The following CRTC3 variants were observed in gnomAD, a reference collection of about 807,000 sequenced individuals.
CRTC3 encodes the protein CREB regulated transcription coactivator 3.
Under a neutral mutation model 74.5 loss-of-function variants are expected in CRTC3, and 26 were observed. The observed-to-expected ratio is 0.35, with a 90% CI of 0.26 to 0.48. The LOEUF (loss-of-function observed/expected upper bound fraction) is 0.48, where lower values mean the gene tolerates loss of function less well. CRTC3 is among the 20% of genes least tolerant of loss of function. CRTC3 has a pLI of 0.99. For missense variants in CRTC3, 760 were observed against 787.3 expected (o/e 0.97, Z 0.41); for synonymous variants, 377 against 325.8 (o/e 1.16, Z -1.69).
intron 10 of CRTC3, among the ~76,000 whole-genome samples, chr15:90,628,501 G>A (rs531483358): frequency 6.6e-6 from 1 of 152,144 alleles, no homozygotes; most frequent in Admixed American, 6.5e-5. Context: ...GATCCAGCAG[G>A]GCATAGGACA....
At chr15:90,615,756 T>A (rs1024423229) in intron 7 of CRTC3, among the ~76,000 whole-genome samples, 4 of 152,244 alleles carry the variant, frequency 2.6e-5, no homozygotes, top group Non-Finnish European at 5.9e-5. Flanking sequence ...TTGTGAGAAG[T>A]AGCCTTGAGC....
chr15:90,625,341 TATG>T (rs1048338339), intron 9 of CRTC3, among the ~76,000 whole-genome samples: 7 of 152,228 alleles, frequency 4.6e-5, no homozygotes, highest in Admixed American at 3.9e-4. Context: ...CTTTAAAGTT[TATG>T]AAGACTGTAA....
Position 90,529,962 on chromosome 15 carries a change from G to C in CRTC3, c.-110G>C, listed in dbSNP as rs962651417. The C allele has an allele frequency of 3.4e-6, 3 of 887,826 alleles. No individual in the cohort carries two copies. The highest frequency in any genetic ancestry group is 4.2e-6 in the Non-Finnish European group (3 of 714,612). The allele number at this position is 887,826 out of a possible 1,614,324, so 55.0% of individuals were successfully genotyped here. ...GGCGGCTCCTCTGCCGGGTCGCGCC[G>C]GACGACTGGCTTCGGGCGGCGGCCC... is the stretch of plus-strand genomic sequence containing the variant. On this transcript the variant is annotated 5_prime_UTR_variant, in exon 1 of 15. Transcript: ENST00000268184.
chr15:90,641,493 C>T (rs547448053), intron 14 of CRTC3, among the ~76,000 whole-genome samples: 3 of 151,852 alleles, frequency 2.0e-5, no homozygotes, highest in African/African-American at 7.3e-5. Context: ...GTCAGGAGAT[C>T]GAGACCATTC....
chr15:90,600,298 C>T (rs1462406252), intron 3 of CRTC3: 1 of 152,192 alleles, frequency 6.6e-6, no homozygotes, highest in Non-Finnish European at 1.5e-5. Flanking sequence ...CTCCGTTTTC[C>T]TAATTCCAGA....
intron 2 of CRTC3, among the ~76,000 whole-genome samples, chr15:90,572,432 A>C (rs889027705): frequency 6.6e-6 from 1 of 152,210 alleles, no homozygotes; most frequent in African/African-American, 2.4e-5. Flanking sequence ...TAGAAGTAAA[A>C]TAGCTGGGTA....
At chr15:90,562,078 C>T (rs1186512355) in intron 2 of CRTC3, among the ~76,000 whole-genome samples, 1 of 152,216 alleles carries the variant, frequency 6.6e-6, no homozygotes, top group African/African-American at 2.4e-5. Context: ...TCTCTACCGC[C>T]AGCCTCTTGG....
chr15:90,631,751 A>G (rs1969047416), intron 11 of CRTC3, among the ~76,000 whole-genome samples: 1 of 150,822 alleles, frequency 6.6e-6, no homozygotes, highest in Admixed American at 6.6e-5. Flanking sequence ...ATTAGAATTA[A>G]AAAAAGAAAA....
intron 2 of CRTC3, among the ~76,000 whole-genome samples, chr15:90,588,707 G>T (rs147032900): frequency 6.6e-6 from 1 of 152,104 alleles, no homozygotes; most frequent in Non-Finnish European, 1.5e-5. Flanking sequence ...GGGGAGCACC[G>T]TGGGAGGCTC....
intron 2 of CRTC3, among the ~76,000 whole-genome samples, chr15:90,544,621 G>A (rs1966841222): frequency 6.6e-6 from 1 of 152,134 alleles, no homozygotes; most frequent in African/African-American, 2.4e-5. Flanking sequence ...TTCACATACA[G>A]TTTTTATGTA....
At chr15:90,553,821 G>T (rs1966868917) in intron 2 of CRTC3, among the ~76,000 whole-genome samples, 1 of 152,180 alleles carries the variant, frequency 6.6e-6, no homozygotes, top group Non-Finnish European at 1.5e-5. Context: ...CAGTAAAGTT[G>T]GAAGAGATGG....
chr15:90,564,986 A>G (rs1378071353), intron 2 of CRTC3, among the ~76,000 whole-genome samples: 1 of 150,932 alleles, frequency 6.6e-6, no homozygotes, highest in African/African-American at 2.4e-5. Context: ...CTTTTTGCCC[A>G]GGCTGGAGTG....
chr15:90,535,698 G>C (rs775799566), intron 1 of CRTC3, among the ~76,000 whole-genome samples: 1 of 152,120 alleles, frequency 6.6e-6, no homozygotes, highest in Admixed American at 6.6e-5. Context: ...AGATTAGCGA[G>C]CTCTCAGGAT....
At chr15:90,533,279 C>T (rs1056577984) in intron 1 of CRTC3, among the ~76,000 whole-genome samples, 2 of 151,486 alleles carry the variant, frequency 1.3e-5, no homozygotes, top group African/African-American at 4.9e-5. Flanking sequence ...TGGCGGGCGC[C>T]TGTAGTCCCA....
At chr15:90,571,660 T>C (rs373681597) in intron 2 of CRTC3, among the ~76,000 whole-genome samples, 1 of 152,200 alleles carries the variant, frequency 6.6e-6, no homozygotes. Flanking sequence ...TCAAATAATA[T>C]GGAAGCATGA....
chr15:90,607,428 AGGACCCCTAT>A lies in CRTC3; in HGVS notation c.531_540del (p.Asp177GlufsTer26). The A allele has an allele frequency of 6.2e-7, 1 of 1,613,424 alleles. No individual in the cohort carries two copies. ...ACGAGTGCTCTGAGTACCAAGCCCC[AGGACCCCTAT>A]GGAGGAGGGGGCCAGTCGGCCTGGC... On this transcript the variant is annotated frameshift_variant, in exon 6 of 15. Coordinates refer to ENST00000268184, the MANE Select transcript of CRTC3 (RefSeq NM_022769.5). LOFTEE classifies it high-confidence loss of function.
chr15:90,568,357 CA>C (rs1967173176), intron 2 of CRTC3, among the ~76,000 whole-genome samples: 1 of 151,774 alleles, frequency 6.6e-6, no homozygotes, highest in South Asian at 2.1e-4. Flanking sequence ...GGATTGACTC[CA>C]ATTTTTTTTT....
In CRTC3 at chr15:90,536,084, A is replaced by G. The variant is rs540867280; in HGVS notation, c.133-3955A>G. Reference sequence around the variant, plus strand: ...GAATTGCTGTGGCAATTTTGTTGCAATCAGTTGGCCATATAAGTGTTGGTT... The same window carrying G: ...GAATTGCTGTGGCAATTTTGTTGCAGTCAGTTGGCCATATAAGTGTTGGTT... On this transcript the variant is annotated intron_variant, in intron 1 of 14. Transcript: ENST00000268184. Among the ~76,000 whole-genome samples the G allele has an allele frequency of 1.1e-3, 174 of 152,312 alleles. 1 individual carries two copies. Among genetic ancestry groups the G allele is most frequent in the Middle Eastern group, 3.4e-3 (1 of 294 alleles).
At chr15:90,613,104 G>GCGGGGGAATCGCCTGAA (rs71311224) in intron 6 of CRTC3, among the ~76,000 whole-genome samples, 3 of 150,790 alleles carry the variant, frequency 2.0e-5, no homozygotes, top group Non-Finnish European at 2.9e-5. Flanking sequence ...GGAGGCTGAG[G>GCGGGGGAATCGCCTGAA]CCCAGGAGGT....
Sources: allele counts gnomAD v4.1 joint callset (sites outside exome capture counted in the v4.1 genomes callset), GRCh38; gene constraint gnomAD v4.1.1; transcripts MANE v1.5; gene names NCBI Gene and HGNC (gene_info 2026-07-23, HGNC 2026-07-21).